The following ZFAND3 variants were observed in gnomAD, a reference collection of about 807,000 sequenced individuals.
ZFAND3 encodes AN1-type zinc finger protein 3.
ZFAND3 carries 10 observed loss-of-function variants against 29.6 expected under a neutral mutation model. The observed-to-expected ratio is 0.34, with a 90% CI of 0.21 to 0.57. The LOEUF (loss-of-function observed/expected upper bound fraction) is 0.57, where lower values mean the gene tolerates loss of function less well. ZFAND3 is among the 20% of genes least tolerant of loss of function. The pLI is 0.86. For missense variants in ZFAND3, 230 were observed against 304.5 expected (o/e 0.76, Z 1.82); for synonymous variants, 128 against 112.6 (o/e 1.14, Z -0.87).
At chr6:38,146,171 G>A (rs370610705) in intron 5 of ZFAND3, among the ~76,000 whole-genome samples, 4,495 of 152,236 alleles carry the variant, frequency 0.03, 176 homozygotes, top group African/African-American at 0.085. Flanking sequence ...GTGCCCCCTC[G>A]CGATGCTGTC....
chr6:38,081,704 T>A (rs911407863), intron 3 of ZFAND3, among the ~76,000 whole-genome samples: 26 of 152,118 alleles, frequency 1.7e-4, no homozygotes, highest in Non-Finnish European at 2.2e-4. Context: ...TTTTGCAGAA[T>A]GAAATTATTG....
At chr6:37,902,201 G>A (rs1036056249) in intron 1 of ZFAND3, among the ~76,000 whole-genome samples, 2 of 152,014 alleles carry the variant, frequency 1.3e-5, no homozygotes, top group African/African-American at 4.8e-5. Flanking sequence ...GTAATCCCAG[G>A]ACATTGGGAG....
At chr6:38,128,811 G>C (rs1004247756) in intron 5 of ZFAND3, among the ~76,000 whole-genome samples, 3 of 152,190 alleles carry the variant, frequency 2.0e-5, no homozygotes, top group African/African-American at 7.2e-5. Context: ...ACATCCATGT[G>C]CAAGTATCTT....
intron 5 of ZFAND3, among the ~76,000 whole-genome samples, chr6:38,131,680 C>T (rs546125552): frequency 6.6e-6 from 1 of 152,306 alleles, no homozygotes; most frequent in African/African-American, 2.4e-5. Flanking sequence ...TTGCCAGACT[C>T]AAAAAATCTC....
At chr6:38,019,782 C>T (rs75135260) in intron 2 of ZFAND3, among the ~76,000 whole-genome samples, 1 of 152,152 alleles carries the variant, frequency 6.6e-6, no homozygotes, top group Non-Finnish European at 1.5e-5. Flanking sequence ...TACAGTGTGG[C>T]ACGATCTCGG....
chr6:38,025,433 C>G (rs150469575), intron 2 of ZFAND3, among the ~76,000 whole-genome samples: 14 of 152,192 alleles, frequency 9.2e-5, no homozygotes, highest in African/African-American at 2.6e-4. Flanking sequence ...GATAATTTCT[C>G]TGAATTTTTA....
chr6:38,144,535 G>T (rs1175689079), intron 5 of ZFAND3, among the ~76,000 whole-genome samples: 5 of 152,200 alleles, frequency 3.3e-5, no homozygotes, highest in Non-Finnish European at 7.3e-5. Flanking sequence ...GTGAGCAGGT[G>T]CCTCTGCGCA....
chr6:38,069,566 G>T (rs1278111727), intron 3 of ZFAND3, among the ~76,000 whole-genome samples: 1 of 152,244 alleles, frequency 6.6e-6, no homozygotes, highest in South Asian at 2.1e-4. Flanking sequence ...AGCTGGTTCT[G>T]CAAAGCATGC....
At chr6:38,059,972 C>G (rs2127462945) in intron 2 of ZFAND3, among the ~76,000 whole-genome samples, 1 of 152,236 alleles carries the variant, frequency 6.6e-6, no homozygotes, top group South Asian at 2.1e-4. Context: ...AAAATCGTCC[C>G]CTGTAGGAAA....
At position 37,989,589 on chromosome 6, in the gene ZFAND3, C is replaced by T. The variant is rs115886098; in HGVS notation, c.112+59590C>T. Among the ~76,000 whole-genome samples the T allele has an allele frequency of 6.9e-3, 1,055 of 152,244 alleles. 8 individuals are homozygous for T. Among genetic ancestry groups the T allele is most frequent in the African/African-American group, 0.023 (976 of 41,540 alleles). ...ACATTGAGGAATAGGCTTTAACATA[C>T]GAATTTTGGGGGGACACAAACATTC... On this transcript the variant is annotated intron_variant, in intron 2 of 5. Transcript: ENST00000287218.
At chr6:38,134,374 A>C (rs1765801872) in intron 5 of ZFAND3, among the ~76,000 whole-genome samples, 1 of 152,100 alleles carries the variant, frequency 6.6e-6, no homozygotes, top group Non-Finnish European at 1.5e-5. Flanking sequence ...TTTTATTTGC[A>C]GTTGATTTCT....
chr6:37,997,893 A>C (rs762358750), intron 2 of ZFAND3, among the ~76,000 whole-genome samples: 2 of 152,230 alleles, frequency 1.3e-5, no homozygotes, highest in Non-Finnish European at 2.9e-5. Context: ...TGGTGGGAAG[A>C]GACTTTGGTG....
chr6:37,977,885 TTTCTC>T (rs1401711982), intron 2 of ZFAND3, among the ~76,000 whole-genome samples: 1 of 138,592 alleles, frequency 7.2e-6, no homozygotes, highest in Non-Finnish European at 1.6e-5. Context: ...TCTTCCTTCC[TTTCTC>T]TCCTCTCCTC....
Position 38,154,033 on chromosome 6 carries a change from G to A in ZFAND3, c.*1644G>A. The stretch of plus-strand genomic sequence containing the variant: ...CTCTTCCCACCCTCCACCCACCAGA[G>A]TGGAACCCGCTGCAAAATCCCCAGC... On this transcript the variant is annotated 3_prime_UTR_variant, in exon 6 of 6. Coordinates refer to ENST00000287218, the MANE Select transcript of ZFAND3 (RefSeq NM_021943.3). The A allele has an allele frequency of 1.0e-6, 1 of 985,514 alleles. No homozygotes were observed. The highest frequency in any genetic ancestry group is 1.2e-6 in the Non-Finnish European group (1 of 829,956). The allele number at this position is 985,514 out of a possible 1,614,324, so 61.0% of individuals were successfully genotyped here.
intron 2 of ZFAND3, among the ~76,000 whole-genome samples, chr6:37,946,885 A>G (rs768434402): frequency 6.6e-6 from 1 of 152,112 alleles, no homozygotes; most frequent in Non-Finnish European, 1.5e-5. Context: ...GGGTGGGGGA[A>G]CTGGAGAGTT....
chr6:37,903,928 T>G (rs1324267293), intron 1 of ZFAND3, among the ~76,000 whole-genome samples: 1 of 152,236 alleles, frequency 6.6e-6, no homozygotes, highest in Non-Finnish European at 1.5e-5. Context: ...GGACAGATTT[T>G]CTTTAAAAAG....
At chr6:37,933,883 AT>A (rs58837762) in intron 2 of ZFAND3, among the ~76,000 whole-genome samples, 7,501 of 116,306 alleles carry the variant, frequency 0.064, 136 homozygotes, top group East Asian at 0.24. Context: ...TCTCTCTCTC[AT>A]TTTTTTTTTT....
At chr6:37,903,872 C>G (rs994294581) in intron 1 of ZFAND3, among the ~76,000 whole-genome samples, 8 of 152,072 alleles carry the variant, frequency 5.3e-5, no homozygotes, top group Non-Finnish European at 1.2e-4. Flanking sequence ...GGTTTTTGTT[C>G]TGTGGATATT....
At chr6:38,030,846 G>A (rs1763546215) in intron 2 of ZFAND3, among the ~76,000 whole-genome samples, 1 of 152,124 alleles carries the variant, frequency 6.6e-6, no homozygotes, top group South Asian at 2.1e-4. Context: ...GGAGAACAGA[G>A]GATGAAGTAA....
Sources: gnomAD v4.1 joint callset for allele counts (sites outside exome capture counted in the v4.1 genomes callset) on GRCh38, gnomAD v4.1.1 for gene constraint, MANE v1.5 for transcripts, NCBI Gene and HGNC (gene_info 2026-07-23, HGNC 2026-07-21) for gene names.